HIGD1B: variants seen among roughly 807,000 people sequenced by gnomAD.
HIGD1B encodes the protein HIG1 hypoxia inducible domain family member 1B.
HIGD1B carries 9 observed loss-of-function variants against 8.8 expected under a neutral mutation model. The observed-to-expected ratio is 1.02, with a 90% CI of 0.62 to 1.78. HIGD1B has a LOEUF of 1.78. Ranked by LOEUF, HIGD1B falls within the 40% of genes most tolerant of loss-of-function variation. The pLI is 0.00. For synonymous variants in HIGD1B, 47 were observed against 38.8 expected, an observed-to-expected ratio of 1.21 and a Z score of -0.78; for missense variants, 126 against 111.8, an observed-to-expected ratio of 1.13 and a Z score of -0.57.
rs557467846 is a variant in HIGD1B, at chr17:44,850,449, A to G, written c.*53A>G. On this transcript the variant is annotated 3_prime_UTR_variant, in exon 3 of 3. Transcript: ENST00000253410. ...ACTCCCCTAACTCAATCCCTGGTAC[A>G]TTCCTAATAAAGCAGTTTTGAGGAA... 3 of 1,349,508 alleles carry G rather than the reference A, an allele frequency of 2.2e-6. No homozygotes were observed. The highest frequency in any genetic ancestry group is 3.2e-6 in the Non-Finnish European group (3 of 948,348). 83.6% of individuals were successfully genotyped at this position (1,349,508 alleles called of 1,614,324 possible).
At chr17:44,848,965 G>C (rs2050369412) in intron 1 of HIGD1B, 1 of 304,830 alleles carries the variant, frequency 3.3e-6, no homozygotes, top group South Asian at 4.4e-5. Flanking sequence ...AGTAGAGACT[G>C]GGTTTCTCCA....
rs779528220 is a variant in HIGD1B, at chr17:44,849,346, C to T, written c.193C>T (p.Arg65Ter). 1.5e-5 allele frequency: 25 copies of T among 1,614,020 alleles called. No homozygotes were observed. Among genetic ancestry groups the T allele is most frequent in the Middle Eastern group, 1.6e-4 (1 of 6,084 alleles). Residue 65 changes from arginine (R) to a stop codon, truncating the protein, a stop_gained, in exon 2 of 3, where the codon CGA becomes TGA. Transcript: ENST00000253410. LOFTEE classifies it high-confidence loss of function. Reference sequence around the variant, plus strand: ...GATGTCCATACACCTGATTCACACCCGAGTGGCAGCGCAGGCCTGTGCAGT... The same window carrying T: ...GATGTCCATACACCTGATTCACACCTGAGTGGCAGCGCAGGCCTGTGCAGT... ...TKMSIHLIHT[R>*]VAAQACAVGA...
At chr17:44,845,396 A>C (rs1386020940), upstream of HIGD1B, among the ~76,000 whole-genome samples, 1 of 151,432 alleles carries the variant, frequency 6.6e-6, no homozygotes, top group Non-Finnish European at 1.5e-5. Flanking sequence ...TGTAGCTTCC[A>C]CCTTTAATCC....
At chr17:44,849,186 G>C (rs2050377297) in intron 1 of HIGD1B, 68 bp from the exon 2 acceptor site, 1 of 1,574,374 alleles carries the variant, frequency 6.4e-7, no homozygotes, top group South Asian at 1.2e-5. Flanking sequence ...TGCCTGGTAA[G>C]GTATCTCTCA....
At chr17:44,850,287 GA>G (rs745379367) in intron 2 of HIGD1B, 44 bp from the exon 3 acceptor site, 1 of 1,531,624 alleles carries the variant, frequency 6.5e-7, no homozygotes, top group East Asian at 2.3e-5. Flanking sequence ...GAGGACGGGT[GA>G]AGGGTTTGAT....
chr17:44,847,101 C>A (rs2145406861), upstream of HIGD1B, among the ~76,000 whole-genome samples: 1 of 152,174 alleles, frequency 6.6e-6, no homozygotes, highest in African/African-American at 2.4e-5. Context: ...GGCACCACTG[C>A]ACTCCAGCCT....
rs781099874 is a variant in HIGD1B at position 44,849,365 on chromosome 17, G to A, written c.212G>A (p.Cys71Tyr). 2 of 1,614,140 alleles carry A rather than the reference G, an allele frequency of 1.2e-6. No homozygotes were observed. Among genetic ancestry groups the A allele is most frequent in the East Asian group, 2.2e-5 (1 of 44,870 alleles). The change falls in exon 2 of 3, where the codon TGT becomes TAT. Residue 71 changes from cysteine (C) to tyrosine (Y), a missense_variant. Cys to Tyr is a radical substitution (Grantham distance 194, BLOSUM62 -2). Transcript: ENST00000253410. The part of the protein sequence containing the change: ...LIHTRVAAQA[C>Y]AVGAIMLGAV... Reference sequence around the variant, plus strand: ...CACACCCGAGTGGCAGCGCAGGCCTGTGCAGTGGGTGCAATCATGCTAGGT... The same window carrying A: ...CACACCCGAGTGGCAGCGCAGGCCTATGCAGTGGGTGCAATCATGCTAGGT...
At chr17:44,847,722 G>C (rs2145408087), upstream of HIGD1B, among the ~76,000 whole-genome samples, 1 of 152,346 alleles carries the variant, frequency 6.6e-6, no homozygotes, top group East Asian at 1.9e-4. Flanking sequence ...CTGCTCTGTA[G>C]CTCCCACAGG....
chr17:44,848,784 T>G (rs1034552510), intron 1 of HIGD1B, among the ~76,000 whole-genome samples: 3 of 151,832 alleles, frequency 2.0e-5, no homozygotes, highest in Non-Finnish European at 4.4e-5. Flanking sequence ...AATATATATA[T>G]ATATATTTTT....
chr17:44,849,142 G>T, intron 1 of HIGD1B, 112 bp from the exon 2 acceptor site: 1 of 1,298,066 alleles, frequency 7.7e-7, no homozygotes, highest in Non-Finnish European at 1.1e-6. Flanking sequence ...ACCAGATGCT[G>T]CATAAAACCA....
chr17:44,846,739 A>G (rs1341955836), upstream of HIGD1B, among the ~76,000 whole-genome samples: 1 of 150,910 alleles, frequency 6.6e-6, no homozygotes, highest in African/African-American at 2.4e-5. Context: ...GCTTGCAGGG[A>G]TTGACACTGC....
rs1037652437 is a variant in HIGD1B at position 44,847,920 on chromosome 17, A to G, written c.-233A>G. On this transcript the variant is annotated 5_prime_UTR_variant, in exon 1 of 3. It removes the in-frame stop codon of an upstream open reading frame in the 5' UTR. Coordinates refer to ENST00000253410, the MANE Select transcript of HIGD1B (RefSeq NM_016438.4). Reference sequence around the variant, plus strand: ...ATGAGCTGGGGAAGAGGCAGATGGTAGGAAATGGAGACGGAGAAATGGCAC... The same window carrying G: ...ATGAGCTGGGGAAGAGGCAGATGGTGGGAAATGGAGACGGAGAAATGGCAC... 8 of 432,548 alleles carry G rather than the reference A, an allele frequency of 1.8e-5. No homozygotes were observed. The highest frequency in any genetic ancestry group is 6.2e-4 in the Middle Eastern group (1 of 1,604). The allele number at this position is 432,548 out of a possible 1,614,324, so 26.8% of individuals were successfully genotyped here.
At position 44,850,378 on chromosome 17, in the gene HIGD1B, G is replaced by C. The variant is rs772714878; in HGVS notation, c.282G>C (p.Gln94His). The change falls in exon 3 of 3, where the codon CAG (glutamine) becomes CAC (histidine). Residue 94 changes from glutamine (Q) to histidine (H), a missense_variant. By Grantham distance (24) the Gln-to-His change is conservative. Transcript: ENST00000253410. ...GCGATTACGTCAAGAGGATGGCACA[G>C]GATGCTGGAGAGAAGTAGGACTCCT... is the stretch of plus-strand genomic sequence containing the variant. ...MYSDYVKRMA[Q>H]DAGEK 6.2e-7 allele frequency: 1 copy of C among 1,613,122 alleles called. No individual in the cohort carries two copies.
At chr17:44,849,514 C>G in intron 2 of HIGD1B, 126 bp downstream of exon 2, 1 of 1,140,644 alleles carries the variant, frequency 8.8e-7, no homozygotes, top group Non-Finnish European at 1.2e-6. Context: ...GTAATCTCAA[C>G]ACTTTGGGAG....
chr17:44,848,616 G>A (rs144046979), intron 1 of HIGD1B, among the ~76,000 whole-genome samples: 42 of 151,412 alleles, frequency 2.8e-4, no homozygotes, highest in African/African-American at 9.7e-4. Context: ...AGGGCCCAGG[G>A]CGGAGCAAAT....
chr17:44,846,972 A>G (rs574000779), upstream of HIGD1B, among the ~76,000 whole-genome samples: 120 of 149,610 alleles, frequency 8.0e-4, no homozygotes, highest in Non-Finnish European at 9.8e-4. Context: ...CGTCTCTACT[A>G]AAAAAATACA....
intron 1 of HIGD1B, 143 bp from the exon 2 acceptor site, chr17:44,849,111 C>T (rs1485817463): frequency 4.3e-6 from 4 of 920,294 alleles, no homozygotes; most frequent in East Asian, 2.6e-5. Context: ...CCTAGGTCCC[C>T]CGCAACGCCC....
intron 2 of HIGD1B, 137 bp from the exon 3 acceptor site, chr17:44,850,195 G>C (rs895235727): frequency 1.6e-6 from 1 of 628,070 alleles, no homozygotes; most frequent in African/African-American, 1.8e-5. Flanking sequence ...GCAGCTGTTG[G>C]GACCTGGGGC....
Position 44,849,300 on chromosome 17 carries a change from G to A in HIGD1B, c.147G>A (p.Leu49=). The A allele has an allele frequency of 1.2e-6, 2 of 1,614,146 alleles. No individual in the cohort carries two copies. Among genetic ancestry groups the A allele is most frequent in the Non-Finnish European group, 1.7e-6 (2 of 1,180,018 alleles). ...TAGCAGCATACAGGATTTACCGGCT[G>A]AGGTCTCGTGGTTCCACCAAGATGT... ...LVVAAYRIYR[L]RSRGSTKMSI... Residue 49 remains leucine, a synonymous_variant, in exon 2 of 3, where the codon CTG becomes CTA. Coordinates refer to ENST00000253410, the MANE Select transcript of HIGD1B (RefSeq NM_016438.4).
Sources: allele counts gnomAD v4.1 joint callset (sites outside exome capture counted in the v4.1 genomes callset), GRCh38; gene constraint gnomAD v4.1.1; transcripts MANE v1.5; gene names NCBI Gene and HGNC (gene_info 2026-07-23, HGNC 2026-07-21).